Variants in FAT4 observed in about 807,000 individuals in gnomAD.
FAT4 encodes FAT atypical cadherin 4, also known as protocadherin Fat 4.
In FAT4, 84 loss-of-function variants were observed where a neutral mutation model predicts 303.9. The observed-to-expected ratio is 0.28, with a 90% confidence interval of 0.23 to 0.33. The LOEUF is 0.33. Ranked by LOEUF, FAT4 falls within the 10% of genes least tolerant of loss-of-function variation. The pLI is 1.00. For synonymous variants in FAT4, 2,307 were observed against 2,298.8 expected, an observed-to-expected ratio of 1.00 and a Z score of -0.10; for missense variants, 6,005 against 6,146.8, an observed-to-expected ratio of 0.98 and a Z score of 0.77.
chr4:125,431,648 G>C (rs937205764), intron 7 of FAT4, among the ~76,000 whole-genome samples: 4 of 152,164 alleles, frequency 2.6e-5, no homozygotes, highest in Non-Finnish European at 4.4e-5. Context: ...CTTTGGGGTA[G>C]AGTCTATTAT....
chr4:125,369,053 T>C (rs978287633), intron 2 of FAT4, among the ~76,000 whole-genome samples: 1 of 152,196 alleles, frequency 6.6e-6, no homozygotes, highest in African/African-American at 2.4e-5. Context: ...GCTTGAATTG[T>C]ATTTTTCATG....
rs755294028 is a variant in FAT4 at position 125,468,838 on chromosome 4, T to C, written c.12213+19T>C. The C allele has an allele frequency of 6.3e-7, 1 of 1,597,436 alleles. No individual in the cohort carries two copies. Among genetic ancestry groups the C allele is most frequent in the Non-Finnish European group, 8.6e-7 (1 of 1,168,376 alleles). ...AGGAATGGTAAGATATTTCATTTTA[T>C]TGTTGTTGTATATCCAACTGGATCT... On this transcript the variant is annotated intron_variant, in intron 12 of 17. Transcript: ENST00000394329.
intron 15 of FAT4, among the ~76,000 whole-genome samples, chr4:125,480,962 TG>T (rs1374943324): frequency 1.3e-5 from 2 of 152,094 alleles, no homozygotes; most frequent in African/African-American, 4.8e-5. Context: ...TCAATATTTC[TG>T]GAATGTGGAT....
In FAT4 at chr4:125,377,138, A is replaced by T. The variant is rs970815681; in HGVS notation, c.5176-21646A>T. On this transcript the variant is annotated intron_variant, in intron 2 of 17. Transcript: ENST00000394329. ...CATATAAATGACACAGATGTCATAG[A>T]CCTTTTTTCAATATTTTTATGGCAA... Among the ~76,000 whole-genome samples the T allele has an allele frequency of 3.9e-5, 6 of 152,194 alleles. 1 individual carries two copies. The South Asian group carries it at 1.2e-3, about 32-fold the overall frequency.
rs752823987 is a variant in FAT4 at position 125,320,089 on chromosome 4, G to A, written c.3678G>A (p.Leu1226=). 2 of 1,613,796 alleles carry A rather than the reference G, an allele frequency of 1.2e-6. No homozygotes were observed. Among genetic ancestry groups the A allele is most frequent in the Admixed American group, 1.7e-5 (1 of 60,002 alleles). The change falls in exon 2 of 18, where the codon CTG becomes CTA. Residue 1226 remains leucine, a synonymous_variant. Coordinates refer to ENST00000394329, the MANE Select transcript of FAT4 (RefSeq NM_001291303.3). ...CAATATCAGAATCAGCAGCCAATCT[G>A]ACACAAGTGTTAAGAGTATCTGCCT... ...QATISESAAN[L]TQVLRVSASD...
chr4:125,326,370 G>C (rs541964269), intron 2 of FAT4, among the ~76,000 whole-genome samples: 1 of 151,906 alleles, frequency 6.6e-6, no homozygotes, highest in African/African-American at 2.4e-5. Context: ...ACAGGCAAGA[G>C]AGCTGGATAT....
At chr4:125,336,113 A>G (rs955285156) in intron 2 of FAT4, among the ~76,000 whole-genome samples, 1 of 152,094 alleles carries the variant, frequency 6.6e-6, no homozygotes. Flanking sequence ...CCAATCTTAC[A>G]AATTCTGTTT....
rs748433714 is a variant in FAT4, at chr4:125,450,806, T to C, written c.9796T>C (p.Tyr3266His). 28 of 1,614,158 alleles carry C rather than the reference T, an allele frequency of 1.7e-5. 1 individual carries two copies. The South Asian group carries it at 3.1e-4, about 18-fold the overall frequency. ...CTTGGATTTTGAAACCAAGCAGAGC[T>C]ACCATCTTACTGTGAAAGCCTTCAA... The part of the protein sequence containing the change: ...GFLDFETKQS[Y>H]HLTVKAFNVP... Residue 3266 changes from tyrosine to histidine, a missense_variant, in exon 10 of 18, where the codon TAC (tyrosine) becomes CAC (histidine). Transcript: ENST00000394329.
At chr4:125,340,910 G>A (rs573180057) in intron 2 of FAT4, among the ~76,000 whole-genome samples, 56 of 152,154 alleles carry the variant, frequency 3.7e-4, no homozygotes, top group Non-Finnish European at 7.8e-4. Flanking sequence ...GCTATTGCAA[G>A]CAATCATTGA....
At chr4:125,381,001 T>A (rs1733515330) in intron 2 of FAT4, among the ~76,000 whole-genome samples, 1 of 152,202 alleles carries the variant, frequency 6.6e-6, no homozygotes, top group Non-Finnish European at 1.5e-5. Context: ...AGACTTCTGA[T>A]TACCTATTAC....
intron 2 of FAT4, among the ~76,000 whole-genome samples, chr4:125,389,167 C>A (rs1362501854): frequency 2.6e-5 from 4 of 151,940 alleles, no homozygotes. Flanking sequence ...TTCCAGAATA[C>A]TTAGATATTT....
At chr4:125,367,579 T>A (rs772013064) in intron 2 of FAT4, among the ~76,000 whole-genome samples, 97 of 152,268 alleles carry the variant, frequency 6.4e-4, no homozygotes, top group Middle Eastern at 3.4e-3. Context: ...ATACACATAG[T>A]TTAAATAGCA....
At chr4:125,366,537 CA>C (rs1732894675) in intron 2 of FAT4, among the ~76,000 whole-genome samples, 1 of 151,594 alleles carries the variant, frequency 6.6e-6, no homozygotes, top group Non-Finnish European at 1.5e-5. Flanking sequence ...ACGTCTTTGC[CA>C]TTGTGAATAG....
At chr4:125,400,919 G>C (rs1734365190) in intron 3 of FAT4, among the ~76,000 whole-genome samples, 1 of 151,912 alleles carries the variant, frequency 6.6e-6, no homozygotes, top group African/African-American at 2.4e-5. Context: ...AGCAATTCAA[G>C]GGTAGAGAGG....
At chr4:125,384,611 T>G (rs1489761925) in intron 2 of FAT4, among the ~76,000 whole-genome samples, 1 of 152,164 alleles carries the variant, frequency 6.6e-6, no homozygotes, top group Non-Finnish European at 1.5e-5. Context: ...TGAGGTTTTC[T>G]TTCACTTAAT....
At chr4:125,427,200 AAT>A (rs1725114071) in intron 7 of FAT4, among the ~76,000 whole-genome samples, 1 of 151,680 alleles carries the variant, frequency 6.6e-6, no homozygotes, top group South Asian at 2.1e-4. Context: ...AATTTTTAAA[AAT>A]TATGATAAGA....
chr4:125,393,596 A>T (rs1004435766), intron 2 of FAT4, among the ~76,000 whole-genome samples: 1 of 151,704 alleles, frequency 6.6e-6, no homozygotes, highest in South Asian at 2.1e-4. Context: ...GCATATTATA[A>T]AAAAAAGAGA....
chr4:125,390,250 A>G (rs547948855), intron 2 of FAT4, among the ~76,000 whole-genome samples: 1 of 152,244 alleles, frequency 6.6e-6, no homozygotes, highest in South Asian at 2.1e-4. Flanking sequence ...GTTTAAGGTC[A>G]GGTCATAGAG....
intron 5 of FAT4, among the ~76,000 whole-genome samples, chr4:125,412,375 C>A (rs1734880480): frequency 6.6e-6 from 1 of 151,718 alleles, no homozygotes; most frequent in Non-Finnish European, 1.5e-5. Flanking sequence ...TATAATATGG[C>A]AATATTTTAT....
Sources: gnomAD v4.1 joint callset for allele counts (sites outside exome capture counted in the v4.1 genomes callset) on GRCh38, gnomAD v4.1.1 for gene constraint, MANE v1.5 for transcripts, NCBI Gene and HGNC (gene_info 2026-07-23, HGNC 2026-07-21) for gene names.